The following PCDHAC1 variants were observed in gnomAD, a reference collection of about 807,000 sequenced individuals.
PCDHAC1 encodes protocadherin alpha subfamily C, 1.
In PCDHAC1, 42 loss-of-function variants were observed where a neutral mutation model predicts 60.0. The ratio of observed to expected loss-of-function variants is 0.70; its 90% CI spans 0.55 to 0.90. PCDHAC1 has a LOEUF of 0.90. Ranked by LOEUF, PCDHAC1 falls within the 40% of genes least tolerant of loss-of-function variation. PCDHAC1 has a pLI of 0.00. For synonymous variants in PCDHAC1, 468 were observed against 499.3 expected, an observed-to-expected ratio of 0.94 and a Z score of 0.84; for missense variants, 1,160 against 1,222.3, an observed-to-expected ratio of 0.95 and a Z score of 0.76.
Position 140,980,736 on chromosome 5 carries a change from A to G in PCDHAC1, c.2492+1729A>G, listed in dbSNP as rs1014210313. 6.6e-5 allele frequency among the ~76,000 whole-genome samples: 10 copies of G among 152,312 alleles called. No individual in the cohort carries two copies. The East Asian group carries it at 1.9e-3, about 29-fold the overall frequency. ...TTCGGGTTTCAATTAAGATATTATG[A>G]GATTTGAGTAGGGTAAGAAATAAAA... On this transcript the variant is annotated intron_variant, in intron 2 of 3. Transcript: ENST00000253807.
chr5:140,927,630 A>G lies in PCDHAC1; in HGVS notation c.738A>G (p.Ala246=), dbSNP rs1408351955. 1.9e-6 allele frequency: 3 copies of G among 1,614,064 alleles called. No homozygotes were observed. The highest frequency in any genetic ancestry group is 2.5e-6 in the Non-Finnish European group (3 of 1,180,020). The change falls in exon 1 of 4, where the codon GCA becomes GCG. Residue 246 remains alanine, a synonymous_variant. Coordinates refer to ENST00000253807, the MANE Select transcript of PCDHAC1 (RefSeq NM_018898.5). ...SVYRTKVPET[A]PNGTVLFRVQ... ...ACCGCACCAAGGTTCCAGAGACTGC[A>G]CCCAATGGGACTGTGTTATTCCGAG... is the stretch of plus-strand genomic sequence containing the variant.
intron 1 of PCDHAC1, among the ~76,000 whole-genome samples, chr5:140,978,727 G>A (rs1382730289): frequency 1.3e-5 from 2 of 152,198 alleles, no homozygotes; most frequent in South Asian, 2.1e-4. Flanking sequence ...TATTAAATCT[G>A]GTCTTCCAGG....
At chr5:140,964,954 G>A (rs140288048) in intron 1 of PCDHAC1, among the ~76,000 whole-genome samples, 6 of 152,316 alleles carry the variant, frequency 3.9e-5, no homozygotes, top group Non-Finnish European at 7.4e-5. Flanking sequence ...AGTGTGCTTG[G>A]TTGGTGGAAC....
At chr5:140,962,665 C>G (rs1457197885) in intron 1 of PCDHAC1, among the ~76,000 whole-genome samples, 1 of 152,146 alleles carries the variant, frequency 6.6e-6, no homozygotes, top group African/African-American at 2.4e-5. Context: ...TTTTCATCTT[C>G]CCATCCACTG....
In PCDHAC1 at chr5:140,926,767, C is replaced by T. The variant is rs1323702990; in HGVS notation, c.-126C>T. The T allele has an allele frequency of 5.9e-6, 8 of 1,358,906 alleles. No homozygotes were observed. Among genetic ancestry groups the T allele is most frequent in the Admixed American group, 3.2e-5 (1 of 30,886 alleles). 84.2% of individuals were successfully genotyped at this position (1,358,906 alleles called of 1,614,324 possible). A position where few individuals can be genotyped will look rare whatever the true frequency, so the allele number is the denominator to read the frequency against. On this transcript the variant is annotated 5_prime_UTR_variant, in exon 1 of 4. Coordinates refer to ENST00000253807, the MANE Select transcript of PCDHAC1 (RefSeq NM_018898.5). ...CGTCGGCGGTCGCTGAGTATCCAGC[C>T]CGCAGCAGTGACGGCCGGCAGGAGC...
At chr5:140,968,808 T>C in intron 1 of PCDHAC1, 1 of 1,614,204 alleles carries the variant, frequency 6.2e-7, no homozygotes, top group South Asian at 1.1e-5. Context: ...GTAGCTGTGG[T>C]GGATAGGGTT....
chr5:140,936,113 G>T (rs1316824905), intron 1 of PCDHAC1, among the ~76,000 whole-genome samples: 1 of 151,964 alleles, frequency 6.6e-6, no homozygotes, highest in African/African-American at 2.4e-5. Flanking sequence ...GGCTGGTCTC[G>T]AACTCCTGAC....
intron 3 of PCDHAC1, among the ~76,000 whole-genome samples, chr5:140,984,768 G>A (rs569046665): frequency 7.2e-5 from 11 of 152,172 alleles, no homozygotes; most frequent in African/African-American, 2.4e-4. Flanking sequence ...CTAATCCCAA[G>A]CTTACTTGCT....
chr5:140,976,623 A>T (rs2096725019), intron 1 of PCDHAC1, among the ~76,000 whole-genome samples: 1 of 152,206 alleles, frequency 6.6e-6, no homozygotes, highest in Non-Finnish European at 1.5e-5. Context: ...CTGTCAGCTG[A>T]ACTCAGCAAT....
intron 2 of PCDHAC1, among the ~76,000 whole-genome samples, chr5:140,981,116 A>G (rs533489885): frequency 6.6e-6 from 1 of 152,344 alleles, no homozygotes; most frequent in African/African-American, 2.4e-5. Flanking sequence ...TCTACTGGAT[A>G]TGTTGTTTGA....
At position 140,957,203 on chromosome 5, in the gene PCDHAC1, A is replaced by T. The variant is rs921844658; in HGVS notation, c.2434-21746A>T. 3.3e-5 allele frequency among the ~76,000 whole-genome samples: 5 copies of T among 152,184 alleles called. 1 individual carries two copies. In the South Asian group the frequency reaches 6.2e-4, roughly 19 times the overall value. ...TATTGATGACCGATTGGGAATATAAATAGGCACAAAAATTTGGCGAAGCAT... is the reference window on the plus strand; with the variant it reads ...TATTGATGACCGATTGGGAATATAATTAGGCACAAAAATTTGGCGAAGCAT... On this transcript the variant is annotated intron_variant, in intron 1 of 3. Transcript: ENST00000253807.
chr5:140,990,852 A>T (rs1265916406), intron 3 of PCDHAC1, among the ~76,000 whole-genome samples: 2 of 152,198 alleles, frequency 1.3e-5, no homozygotes, highest in Non-Finnish European at 1.5e-5. Context: ...TAGAGCCCTG[A>T]GGACATTGTA....
chr5:140,942,608 T>G (rs1221656316), intron 1 of PCDHAC1, among the ~76,000 whole-genome samples: 3 of 114,466 alleles, frequency 2.6e-5, no homozygotes, highest in Non-Finnish European at 5.4e-5. Context: ...AGTGTTTATA[T>G]TTGCCAATTG....
At chr5:140,951,832 C>A (rs2094641157) in intron 1 of PCDHAC1, among the ~76,000 whole-genome samples, 1 of 152,142 alleles carries the variant, frequency 6.6e-6, no homozygotes, top group East Asian at 1.9e-4. Context: ...CTCATTCCAG[C>A]ATTAAGCCAA....
At chr5:140,967,029 G>C (rs1554229079) in intron 1 of PCDHAC1, 4 of 1,608,938 alleles carry the variant, frequency 2.5e-6, no homozygotes, top group East Asian at 2.2e-5. Flanking sequence ...CCCAGTCCGC[G>C]CTACCTGGAG....
chr5:140,980,360 G>A (rs1173525969), intron 2 of PCDHAC1, among the ~76,000 whole-genome samples: 4 of 152,142 alleles, frequency 2.6e-5, no homozygotes, highest in Middle Eastern at 3.2e-3. Context: ...GACTGGGCGC[G>A]GTGGCTCACA....
At chr5:141,006,483 G>T (rs1351534173) in intron 3 of PCDHAC1, among the ~76,000 whole-genome samples, 1 of 152,126 alleles carries the variant, frequency 6.6e-6, no homozygotes, top group Non-Finnish European at 1.5e-5. Context: ...AAAGTGCTGG[G>T]ATTACATGTG....
intron 3 of PCDHAC1, among the ~76,000 whole-genome samples, chr5:140,994,425 G>A (rs769335292): frequency 5.3e-5 from 8 of 152,118 alleles, no homozygotes; most frequent in African/African-American, 1.7e-4. Context: ...TATTGAGGCC[G>A]GGCGCAGTGG....
At chr5:140,960,548 A>G (rs73793541) in intron 1 of PCDHAC1, among the ~76,000 whole-genome samples, 2,047 of 152,290 alleles carry the variant, frequency 0.013, 37 homozygotes, top group African/African-American at 0.047. Context: ...TGGCCTTCAT[A>G]TAGACTGAGC....
Sources: allele counts gnomAD v4.1 joint callset (sites outside exome capture counted in the v4.1 genomes callset), GRCh38; gene constraint gnomAD v4.1.1; transcripts MANE v1.5; gene names NCBI Gene and HGNC (gene_info 2026-07-23, HGNC 2026-07-21).